The following SERPINC1 variants were observed in gnomAD, a reference collection of about 807,000 sequenced individuals.
SERPINC1 encodes antithrombin-III.
In SERPINC1, 12 loss-of-function variants were observed where a neutral mutation model predicts 43.4. That is an observed-to-expected ratio of 0.28 (90% CI 0.18 to 0.45). The LOEUF is 0.45. SERPINC1 is among the 20% of genes least tolerant of loss of function. The probability of loss-of-function intolerance (pLI) is 1.00; values close to 1 mark genes in which losing one functional copy is unlikely to be tolerated. For synonymous variants in SERPINC1, 210 were observed against 218.9 expected (o/e 0.96, Z 0.36); for missense variants, 423 against 578.8 (o/e 0.73, Z 2.76).
At position 173,914,539 on chromosome 1, in the gene SERPINC1, A is replaced by G. The variant is rs1657905222; in HGVS notation, c.408+14T>C. The stretch of plus-strand genomic sequence containing the variant: ...TCCTAACAAGGTGGCTGGGCAGAAG[A>G]CCTTTGGTCGTACCTCCATCAGTTG... On this transcript the variant is annotated intron_variant, in intron 2 of 6. Coordinates refer to ENST00000367698, the MANE Select transcript of SERPINC1 (RefSeq NM_000488.4). 1.9e-6 allele frequency: 3 copies of G among 1,613,704 alleles called. No homozygotes were observed. The East Asian group carries it at 6.7e-5, about 36-fold the overall frequency.
intron 6 of SERPINC1, among the ~76,000 whole-genome samples, chr1:173,905,549 G>T (rs181384967): frequency 6.6e-6 from 1 of 152,060 alleles, no homozygotes; most frequent in Non-Finnish European, 1.5e-5. Flanking sequence ...GTGAAACCCC[G>T]TCTCTACTAA....
chr1:173,915,660 AAGTGAG>A (rs1287997930), intron 1 of SERPINC1, among the ~76,000 whole-genome samples: 1 of 152,164 alleles, frequency 6.6e-6, no homozygotes, highest in African/African-American at 2.4e-5. Flanking sequence ...CTGGGTGACA[AAGTGAG>A]ACTGTGTCTC....
Position 173,909,917 on chromosome 1 carries a change from G to A in SERPINC1, c.788C>T (p.Pro263Leu). The change falls in exon 5 of 7, where the codon CCT becomes CTT. Residue 263 changes from proline (P) to leucine (L), a missense_variant. By Grantham distance (98) the Pro-to-Leu change is moderately conservative. Coordinates refer to ENST00000367698, the MANE Select transcript of SERPINC1 (RefSeq NM_000488.4). The part of the protein sequence containing the change: ...FKGLWKSKFS[P>L]ENTRKELFYK... The stretch of plus-strand genomic sequence containing the variant: ...GAACAGTTCCTTCCTTGTGTTCTCA[G>A]GGCTGAACTTTGACTTCCACAGGCC... 6.2e-7 allele frequency: 1 copy of A among 1,614,156 alleles called. No homozygotes were observed. Among genetic ancestry groups the A allele is most frequent in the Non-Finnish European group, 8.5e-7 (1 of 1,180,034 alleles).
chr1:173,907,355 C>A, intron 6 of SERPINC1, 95 bp downstream of exon 6: 1 of 978,480 alleles, frequency 1.0e-6, no homozygotes, highest in South Asian at 1.3e-5. Flanking sequence ...AGGCCTTTTG[C>A]ATGCCTTAAC....
rs777405542 is a variant in SERPINC1, at chr1:173,914,794, C to T, written c.167G>A (p.Arg56His). 1.6e-5 allele frequency: 26 copies of T among 1,613,902 alleles called. No homozygotes were observed. The highest frequency in any genetic ancestry group is 1.5e-4 in the South Asian group (14 of 91,080). ...DIPMNPMCIY[R>H]SPEKKATEDE... Reference sequence around the variant, plus strand: ...CTCAGTTGCCTTCTTCTCCGGGGAGCGGTAAATGCACATGGGATTCATGGG... The same window carrying T: ...CTCAGTTGCCTTCTTCTCCGGGGAGTGGTAAATGCACATGGGATTCATGGG... The change falls in exon 2 of 7, where the codon CGC (arginine) becomes CAC (histidine). Residue 56 changes from arginine to histidine, a missense_variant. By Grantham distance (29) the Arg-to-His change is conservative. Coordinates refer to ENST00000367698, the MANE Select transcript of SERPINC1 (RefSeq NM_000488.4).
chr1:173,914,488 T>C, intron 2 of SERPINC1, 65 bp downstream of exon 2: 1 of 1,601,312 alleles, frequency 6.2e-7, no homozygotes, highest in South Asian at 1.1e-5. Context: ...TCATTGGACT[T>C]GGGCCTATGG....
rs370818014 is a variant in SERPINC1, at chr1:173,912,651, C to T, written c.409-637G>A. Among the ~76,000 whole-genome samples, 7 of 152,230 alleles carry T rather than the reference C, an allele frequency of 4.6e-5. No homozygotes were observed. The East Asian group carries it at 7.7e-4, about 17-fold the overall frequency. ...GCCTTTTGGTTTTATCTGTTCTCTG[C>T]CTTTGGTTTTCCTGATTTTGCTCCA... On this transcript the variant is annotated intron_variant, in intron 2 of 6. Coordinates refer to ENST00000367698, the MANE Select transcript of SERPINC1 (RefSeq NM_000488.4).
intron 2 of SERPINC1, 54 bp from the exon 3 acceptor site, chr1:173,912,068 T>C: frequency 7.7e-7 from 1 of 1,303,224 alleles, no homozygotes; most frequent in South Asian, 1.2e-5. Context: ...CTAGTTAACA[T>C]GGGTGGTGAG....
At chr1:173,909,340 C>T (rs1657663596) in intron 5 of SERPINC1, among the ~76,000 whole-genome samples, 1 of 152,136 alleles carries the variant, frequency 6.6e-6, no homozygotes, top group Admixed American at 6.5e-5. Flanking sequence ...GCTAGCTGGG[C>T]CCATGGAGAT....
At chr1:173,910,031 A>G (rs1191204394) in intron 4 of SERPINC1, 89 bp from the exon 5 acceptor site, 1 of 1,300,328 alleles carries the variant, frequency 7.7e-7, no homozygotes, top group Non-Finnish European at 1.1e-6. Context: ...TGTTACATTA[A>G]TATATAATTA....
intron 2 of SERPINC1, among the ~76,000 whole-genome samples, chr1:173,914,139 C>T (rs1657889691): frequency 6.6e-6 from 1 of 151,954 alleles, no homozygotes; most frequent in African/African-American, 2.4e-5. Flanking sequence ...CTGATGTCAC[C>T]ATATGGTAAA....
intron 4 of SERPINC1, 61 bp downstream of exon 4, chr1:173,910,693 A>T: frequency 1.9e-6 from 3 of 1,552,708 alleles, no homozygotes; most frequent in South Asian, 2.2e-5. Context: ...TTAAAAAAAA[A>T]GGGGGTAAGC....
At chr1:173,906,105 C>G (rs1657498083) in intron 6 of SERPINC1, among the ~76,000 whole-genome samples, 1 of 149,838 alleles carries the variant, frequency 6.7e-6, no homozygotes, top group South Asian at 2.1e-4. Flanking sequence ...CCCTCACAGC[C>G]TGGCTCCCGC....
chr1:173,910,117 G>C (rs565026873), intron 4 of SERPINC1, among the ~76,000 whole-genome samples, 175 bp from the exon 5 acceptor site: 3 of 152,274 alleles, frequency 2.0e-5, no homozygotes, highest in South Asian at 2.1e-4. Context: ...TTATGAGTAG[G>C]TTTATTCATA....
At chr1:173,916,090 C>T (rs1033293764) in intron 1 of SERPINC1, among the ~76,000 whole-genome samples, 1 of 152,110 alleles carries the variant, frequency 6.6e-6, no homozygotes, top group Non-Finnish European at 1.5e-5. Flanking sequence ...TTTTAATAGT[C>T]GCCAACATGG....
chr1:173,909,477 C>A, intron 5 of SERPINC1, 75 bp downstream of exon 5: 2 of 1,505,512 alleles, frequency 1.3e-6, no homozygotes, highest in South Asian at 1.1e-5. Context: ...CCTTTCTATT[C>A]TTTCTCCAAC....
intron 6 of SERPINC1, among the ~76,000 whole-genome samples, chr1:173,904,379 A>AT (rs564783221): frequency 7.8e-4 from 119 of 151,932 alleles, no homozygotes; most frequent in Non-Finnish European, 1.2e-3. Context: ...TTTACAGCGG[A>AT]TTTTTTTTGT....
intron 6 of SERPINC1, among the ~76,000 whole-genome samples, chr1:173,905,074 C>T (rs1239772030): frequency 1.3e-5 from 2 of 152,164 alleles, no homozygotes; most frequent in Non-Finnish European, 2.9e-5. Context: ...CTAATAGTAA[C>T]TCAGACCCCT....
chr1:173,907,151 G>A (rs758918128), intron 6 of SERPINC1, among the ~76,000 whole-genome samples: 11 of 151,402 alleles, frequency 7.3e-5, no homozygotes, highest in Admixed American at 5.3e-4. Context: ...GGGTTTCTGC[G>A]ACCCCATACT....
Sources: allele counts gnomAD v4.1 joint callset (sites outside exome capture counted in the v4.1 genomes callset), GRCh38; gene constraint gnomAD v4.1.1; transcripts MANE v1.5; gene names NCBI Gene and HGNC (gene_info 2026-07-23, HGNC 2026-07-21).